LMF1: variants seen among roughly 807,000 people sequenced by gnomAD.
LMF1 encodes the protein transmembrane protein 112.
In LMF1, 68 loss-of-function variants were observed where a neutral mutation model predicts 60.6. The ratio of observed to expected loss-of-function variants is 1.12; its 90% CI spans 0.92 to 1.37. The LOEUF (loss-of-function observed/expected upper bound fraction) is 1.37, where lower values mean the gene tolerates loss of function less well. LMF1 is among the 40% of genes most tolerant of loss of function. The pLI is 0.00. For missense variants in LMF1, 948 were observed against 767.2 expected, an observed-to-expected ratio of 1.24 and a Z score of -2.78; for synonymous variants, 418 against 324.7, an observed-to-expected ratio of 1.29 and a Z score of -3.09.
intron 6 of LMF1, 48 bp from the exon 7 acceptor site, chr16:871,389 C>G: frequency 6.3e-7 from 1 of 1,587,060 alleles, no homozygotes; most frequent in Non-Finnish European, 8.6e-7. Flanking sequence ...CGTGTGGGGC[C>G]CCTGGGCAGC....
At chr16:899,703 C>T (rs2070756580) in intron 4 of LMF1, 1 of 152,256 alleles carries the variant, frequency 6.6e-6, no homozygotes, top group South Asian at 2.1e-4. Flanking sequence ...GCCCATGACC[C>T]ACACCTCCCA....
At chr16:934,163 C>T in intron 3 of LMF1, 81 bp downstream of exon 3, 1 of 1,596,972 alleles carries the variant, frequency 6.3e-7, no homozygotes, top group Non-Finnish European at 8.5e-7. Flanking sequence ...AGGGGAGAGG[C>T]CAGGAAAAGT....
intron 2 of LMF1, among the ~76,000 whole-genome samples, chr16:937,592 C>T (rs531082462): frequency 1.3e-5 from 2 of 152,242 alleles, no homozygotes; most frequent in African/African-American, 4.8e-5. Flanking sequence ...GCAAGACCCC[C>T]GATGCCCTGC....
At chr16:940,768 CG>C (rs1387616274) in intron 2 of LMF1, among the ~76,000 whole-genome samples, 2 of 152,152 alleles carry the variant, frequency 1.3e-5, no homozygotes, top group African/African-American at 4.8e-5. Context: ...GAAAAACACC[CG>C]GAAGTACTGC....
intron 10 of LMF1, among the ~76,000 whole-genome samples, chr16:858,752 G>C (rs1261879375): frequency 1.0e-5 from 1 of 95,314 alleles, no homozygotes; most frequent in Non-Finnish European, 2.0e-5. Flanking sequence ...GGACGGGTGT[G>C]ACTGGTGTCA....
chr16:931,591 T>G (rs2071785883), intron 3 of LMF1: 2 of 1,269,830 alleles, frequency 1.6e-6, no homozygotes, highest in Non-Finnish European at 2.1e-6. Flanking sequence ...AAGCCTGACC[T>G]TCCAGTGCCT....
At chr16:947,473 T>TGGCGGCCTCCCGGTGTCCCTGGGC (rs2072265288) in intron 2 of LMF1, 1 of 454,950 alleles carries the variant, frequency 2.2e-6, no homozygotes, top group African/African-American at 2.0e-5. Context: ...TGTCCCTGGG[T>TGGCGGCCTCCCGGTGTCCCTGGGC]GCTGGCGGCC....
At chr16:950,105 A>G (rs1349844949) in intron 2 of LMF1, among the ~76,000 whole-genome samples, 1 of 104,372 alleles carries the variant, frequency 9.6e-6, no homozygotes, top group African/African-American at 5.6e-5. Flanking sequence ...AGAGCCAACG[A>G]CAGAGTCAGA....
intron 10 of LMF1, among the ~76,000 whole-genome samples, chr16:867,385 C>G (rs540732846): frequency 5.1e-4 from 77 of 152,328 alleles, no homozygotes; most frequent in African/African-American, 1.5e-3. Flanking sequence ...CACGACCTGA[C>G]GATGGCAAAC....
At chr16:970,988 GA>G, upstream of LMF1, 1 of 1,483,754 alleles carries the variant, frequency 6.7e-7, no homozygotes, top group Non-Finnish European at 9.0e-7. Context: ...CATGTGCGGG[GA>G]GGGCGCACTC....
rs1044441004 is a variant in LMF1 at position 868,779 on chromosome 16, G to C, written c.1529+165C>G. On this transcript the variant is annotated intron_variant, in intron 10 of 10. Transcript: ENST00000262301. ...TGATGCCAAGGCTGATGTGGGGCGG[G>C]GGGGGGGGGCCCTTTTTGCTCCCAG... Among the ~76,000 whole-genome samples, 168 of 128,664 alleles carry C rather than the reference G, an allele frequency of 1.3e-3. 1 individual carries two copies. Among genetic ancestry groups the C allele is most frequent in the Non-Finnish European group, 1.1e-3 (67 of 62,402 alleles). 84.4% of individuals were successfully genotyped at this position (128,664 alleles called of 152,430 possible).
intron 1 of LMF1, among the ~76,000 whole-genome samples, chr16:957,363 C>A (rs1258625825): frequency 6.6e-6 from 1 of 151,982 alleles, no homozygotes. Flanking sequence ...TGTACTTTTC[C>A]CCATGCATTT....
intron 4 of LMF1, among the ~76,000 whole-genome samples, chr16:909,238 A>C (rs2071043508): frequency 6.6e-6 from 1 of 152,058 alleles, no homozygotes; most frequent in South Asian, 2.1e-4. Flanking sequence ...CAGGGATGTG[A>C]GTGAGGGGGA....
At chr16:944,322 C>T (rs187954242) in intron 2 of LMF1, among the ~76,000 whole-genome samples, 1 of 152,386 alleles carries the variant, frequency 6.6e-6, no homozygotes, top group East Asian at 1.9e-4. Context: ...TCCACGTTCA[C>T]AGCTTAGAAC....
At chr16:855,517 T>C (rs1170038349) in intron 10 of LMF1, 1 of 358,338 alleles carries the variant, frequency 2.8e-6, no homozygotes, top group Admixed American at 3.7e-5. Flanking sequence ...AGCCCCCTCA[T>C]GTCCAGGGTT....
At chr16:954,059 A>ACGGACCCCAAAC (rs1567312799) in intron 2 of LMF1, among the ~76,000 whole-genome samples, 4 of 140,704 alleles carry the variant, frequency 2.8e-5, no homozygotes, top group African/African-American at 7.6e-5. Context: ...CCACACAGAC[A>ACGGACCCCAAAC]CAGACCCACT....
intron 4 of LMF1, chr16:901,741 C>G (rs549948506): frequency 6.6e-6 from 1 of 152,256 alleles, no homozygotes; most frequent in African/African-American, 2.4e-5. Flanking sequence ...TCCGGCGAGG[C>G]CATCTGGGTC....
intron 5 of LMF1, among the ~76,000 whole-genome samples, chr16:882,819 T>C (rs1178561138): frequency 5.8e-5 from 6 of 103,434 alleles, no homozygotes; most frequent in African/African-American, 1.5e-4. Context: ...CGGCAGAGCC[T>C]ATCACAGGAC....
intron 2 of LMF1, among the ~76,000 whole-genome samples, chr16:948,401 A>C (rs2072310574): frequency 6.7e-6 from 1 of 150,076 alleles, no homozygotes; most frequent in South Asian, 2.1e-4. Flanking sequence ...GAGTCAGCCA[A>C]CGACAGAGTC....
Sources: gnomAD v4.1 joint callset for allele counts (sites outside exome capture counted in the v4.1 genomes callset) on GRCh38, gnomAD v4.1.1 for gene constraint, MANE v1.5 for transcripts, NCBI Gene and HGNC (gene_info 2026-07-23, HGNC 2026-07-21) for gene names.